SYK: variants seen among roughly 807,000 people sequenced by gnomAD.
The protein encoded by SYK is spleen associated tyrosine kinase.
In SYK, 16 loss-of-function variants were observed where a neutral mutation model predicts 77.8. The observed-to-expected ratio is 0.21, with a 90% confidence interval of 0.14 to 0.31. The LOEUF (loss-of-function observed/expected upper bound fraction) is 0.31. SYK is among the 10% of genes least tolerant of loss of function. The pLI is 1.00. For synonymous variants in SYK, 312 were observed against 308.7 expected, an observed-to-expected ratio of 1.01 and a Z score of -0.11; for missense variants, 529 against 814.4, an observed-to-expected ratio of 0.65 and a Z score of 4.26.
chr9:90,875,469 C>T (rs938357415), intron 9 of SYK, among the ~76,000 whole-genome samples: 1 of 152,072 alleles, frequency 6.6e-6, no homozygotes, highest in Non-Finnish European at 1.5e-5. Context: ...AACACTACTA[C>T]TGTTAACTAA....
intron 1 of SYK, among the ~76,000 whole-genome samples, chr9:90,841,319 G>A (rs999296981): frequency 1.4e-5 from 2 of 139,518 alleles, no homozygotes; most frequent in Admixed American, 7.2e-5. Flanking sequence ...TGTGCTGCAC[G>A]TAGTGTGTTG....
At chr9:90,878,742 A>G in intron 10 of SYK, 22 bp from the exon 11 acceptor site, 1 of 1,593,284 alleles carries the variant, frequency 6.3e-7, no homozygotes, top group Non-Finnish European at 8.6e-7. Flanking sequence ...GTTATAGCTG[A>G]TGAGATCATT....
rs769228620 is a variant in SYK, at chr9:90,862,228, G to A, written c.601G>A (p.Gly201Ser). ...TAGGATCCGAGCCAGAGACAACAAC[G>A]GCTCCTACGCCCTGTGCCTGCTGCA... is the stretch of plus-strand genomic sequence containing the variant. ...KFLIRARDNN[G>S]SYALCLLHEG... is the part of the protein sequence containing the mutation. The change falls in exon 4 of 14, where the codon GGC becomes AGC. Residue 201 changes from glycine (G) to serine (S), a missense_variant. Transcript: ENST00000375754. 5.6e-6 allele frequency: 9 copies of A among 1,612,834 alleles called. No homozygotes were observed. The highest frequency in any genetic ancestry group is 4.5e-5 in the East Asian group (2 of 44,856).
At chr9:90,876,267 A>G (rs1294652152) in intron 9 of SYK, among the ~76,000 whole-genome samples, 1 of 150,602 alleles carries the variant, frequency 6.6e-6, no homozygotes. Context: ...AGCCTGGGCA[A>G]CAAGAGTGAA....
intron 1 of SYK, among the ~76,000 whole-genome samples, chr9:90,819,445 A>G (rs951962060): frequency 5.9e-5 from 9 of 152,256 alleles, no homozygotes; most frequent in Non-Finnish European, 1.0e-4. Context: ...AATTGGAATT[A>G]CAGTTCCACA....
At chr9:90,868,752 A>G (rs551417092) in intron 7 of SYK, among the ~76,000 whole-genome samples, 38 of 152,328 alleles carry the variant, frequency 2.5e-4, no homozygotes, top group South Asian at 4.1e-4. Context: ...TCCTTGGGGA[A>G]GTCTGAAATG....
Position 90,867,250 on chromosome 9 carries a change from G to A in SYK, c.915+51G>A, listed in dbSNP as rs112910205. 522 of 1,580,540 alleles carry A rather than the reference G, an allele frequency of 3.3e-4. 1 individual carries two copies. The highest frequency in any genetic ancestry group is 1.0e-3 in the African/African-American group (74 of 74,324). On this transcript the variant is annotated intron_variant, in intron 7 of 13. Transcript: ENST00000375754. ...TCCAACTAAGTGGTAGGACCAACGCGCACTCAGCTCCCGCCCGCCCAGTCT... is the reference window on the plus strand; with the variant it reads ...TCCAACTAAGTGGTAGGACCAACGCACACTCAGCTCCCGCCCGCCCAGTCT...
intron 3 of SYK, among the ~76,000 whole-genome samples, chr9:90,849,953 A>T (rs1165478539): frequency 6.6e-6 from 1 of 152,250 alleles, no homozygotes; most frequent in African/African-American, 2.4e-5. Flanking sequence ...CCACACTTGG[A>T]TACATCAGTA....
At chr9:90,870,068 T>G (rs1444364317) in intron 7 of SYK, among the ~76,000 whole-genome samples, 1 of 151,676 alleles carries the variant, frequency 6.6e-6, no homozygotes, top group African/African-American at 2.4e-5. Context: ...GCCATTGCCC[T>G]CCAGCCTGGG....
chr9:90,841,169 G>A (rs539099917), intron 1 of SYK, among the ~76,000 whole-genome samples: 1 of 151,018 alleles, frequency 6.6e-6, no homozygotes, highest in East Asian at 1.9e-4. Flanking sequence ...TGTGGTTTGT[G>A]TGTGTTTTTA....
chr9:90,877,767 T>C lies in SYK; in HGVS notation c.1378T>C (p.Leu460=). Residue 460 remains leucine, a synonymous_variant, in exon 10 of 14, where the codon TTG becomes CTG. Transcript: ENST00000375754. ...AGAACTTGGTCCCCTCAATAAGTAT[T>C]TGCAGCAGAACAGGTATTGTCAGGT... ...MAELGPLNKY[L]QQNRHVKDKN... 1 of 1,614,154 alleles carries C rather than the reference T, an allele frequency of 6.2e-7. No individual in the cohort carries two copies. The highest frequency in any genetic ancestry group is 1.1e-5 in the South Asian group (1 of 91,082).
At chr9:90,844,373 C>T in intron 2 of SYK, 58 bp downstream of exon 2, 1 of 1,470,874 alleles carries the variant, frequency 6.8e-7, no homozygotes, top group South Asian at 1.4e-5. Context: ...CCCACACAGA[C>T]TTCCTGGCTA....
intron 11 of SYK, among the ~76,000 whole-genome samples, chr9:90,884,182 TATATACACAC>T (rs1363534048): frequency 1.1e-4 from 16 of 146,458 alleles, no homozygotes; most frequent in East Asian, 3.9e-4. Context: ...CATACGTGTA[TATATACACAC>T]ATACACATAC....
intron 1 of SYK, among the ~76,000 whole-genome samples, chr9:90,841,542 G>A (rs1826337995): frequency 7.2e-6 from 1 of 138,292 alleles, no homozygotes; most frequent in African/African-American, 2.6e-5. Flanking sequence ...TAGTATGGGG[G>A]TGTATGTGTG....
chr9:90,835,891 G>A (rs984358576), intron 1 of SYK, among the ~76,000 whole-genome samples: 3 of 152,108 alleles, frequency 2.0e-5, no homozygotes, highest in Admixed American at 1.3e-4. Context: ...AACCATGTGG[G>A]TTCACTTATA....
At chr9:90,806,615 T>C (rs1458294039) in intron 1 of SYK, among the ~76,000 whole-genome samples, 1 of 152,254 alleles carries the variant, frequency 6.6e-6, no homozygotes, top group Non-Finnish European at 1.5e-5. Context: ...GTGGCATTAA[T>C]ATGCCTCTTG....
chr9:90,819,482 C>T (rs1825427461), intron 1 of SYK, among the ~76,000 whole-genome samples: 1 of 152,148 alleles, frequency 6.6e-6, no homozygotes, highest in African/African-American at 2.4e-5. Context: ...AGAATCATGG[C>T]AGGAGGTGAA....
At chr9:90,809,855 G>A (rs1825010384) in intron 1 of SYK, among the ~76,000 whole-genome samples, 1 of 152,018 alleles carries the variant, frequency 6.6e-6, no homozygotes, top group African/African-American at 2.4e-5. Context: ...GCTGTCGTGA[G>A]GGTTGGGAGT....
At chr9:90,876,322 G>T (rs1285231481) in intron 9 of SYK, among the ~76,000 whole-genome samples, 1 of 148,118 alleles carries the variant, frequency 6.8e-6, no homozygotes, top group Non-Finnish European at 1.5e-5. Context: ...AAAGAAAAAA[G>T]AAATGCTTGC....
Sources: gnomAD v4.1 joint callset for allele counts (sites outside exome capture counted in the v4.1 genomes callset) on GRCh38, gnomAD v4.1.1 for gene constraint, MANE v1.5 for transcripts, NCBI Gene and HGNC (gene_info 2026-07-23, HGNC 2026-07-21) for gene names.